The following RAP1B variants were observed in gnomAD, a reference collection of about 807,000 sequenced individuals.
The protein encoded by RAP1B is RAP1B, member of RAS oncogene family.
RAP1B carries 1 observed loss-of-function variant against 27.5 expected under a neutral mutation model. The observed-to-expected ratio is 0.04, with a 90% CI of 0.01 to 0.17. RAP1B has a LOEUF of 0.17. Among genes scored for constraint, RAP1B ranks in the 10% least tolerant of loss-of-function variants. The pLI is 1.00. For synonymous variants in RAP1B, 75 were observed against 73.1 expected, an observed-to-expected ratio of 1.03 and a Z score of -0.13; for missense variants, 84 against 214.8, an observed-to-expected ratio of 0.39 and a Z score of 3.81.
At chr12:68,650,303 GGT>G (rs1215460851) in intron 2 of RAP1B, 95 bp from the exon 3 acceptor site, 13 of 1,055,118 alleles carry the variant, frequency 1.2e-5, no homozygotes, top group Non-Finnish European at 1.7e-5. Flanking sequence ...TTTCATTGAT[GGT>G]GTAACTCCCT....
chr12:68,640,901 C>G (rs1872949683), intron 1 of RAP1B: 1 of 152,136 alleles, frequency 6.6e-6, no homozygotes, highest in Non-Finnish European at 1.5e-5. Context: ...TCTGTTAACT[C>G]AGAATTATTA....
In RAP1B at chr12:68,648,797, T is replaced by C. The variant is rs1488176814; in HGVS notation, c.57+16T>C. The C allele has an allele frequency of 6.2e-7, 1 of 1,604,816 alleles. No individual in the cohort carries two copies. Among genetic ancestry groups the C allele is most frequent in the Non-Finnish European group, 8.5e-7 (1 of 1,175,722 alleles). Reference sequence around the variant, plus strand: ...GTCTGCTTTGGTAAGTCATTCTTACTTTACCTAAGCCTTTCACTCCAAGAC... The same window carrying C: ...GTCTGCTTTGGTAAGTCATTCTTACCTTACCTAAGCCTTTCACTCCAAGAC... On this transcript the variant is annotated intron_variant, in intron 2 of 7. Coordinates refer to ENST00000250559, the MANE Select transcript of RAP1B (RefSeq NM_001010942.3).
intron 7 of RAP1B, chr12:68,657,764 ACACACAC>A (rs1170750875): frequency 1.6e-5 from 2 of 126,214 alleles, no homozygotes; most frequent in African/African-American, 6.6e-5. Flanking sequence ...ACACACACAC[ACACACAC>A]ACGTGCGCGC....
At position 68,662,036 on chromosome 12, in the gene RAP1B, T is replaced by TTAC. The variant is rs1874627849; in HGVS notation, c.*2787_*2788insTAC. 1 of 132,832 alleles carries TTAC rather than the reference T, an allele frequency of 7.5e-6. No homozygotes were observed. The highest frequency in any genetic ancestry group is 1.7e-5 in the Non-Finnish European group (1 of 59,598). The allele number at this position is 132,832 out of a possible 1,614,324, so 8.2% of individuals were successfully genotyped here. On this transcript the variant is annotated 3_prime_UTR_variant, in exon 8 of 8. Transcript: ENST00000250559. ...TATATATATATATATATATATATTA[T>TTAC]ATATAGTACATATATAGAGAGAGTA... is the stretch of plus-strand genomic sequence containing the variant.
At position 68,663,052 on chromosome 12, in the gene RAP1B, CTT is replaced by C. The variant is rs11295555; in HGVS notation, c.*3811_*3812del. ...CAGTGCATCAACACATTTGAATTTT[CTT>C]TTTTTTTCTTTTTCTTTTTTTTTTT... On this transcript the variant is annotated 3_prime_UTR_variant, in exon 8 of 8. Coordinates refer to ENST00000250559, the MANE Select transcript of RAP1B (RefSeq NM_001010942.3). 3 of 149,988 alleles carry C rather than the reference CTT, an allele frequency of 2.0e-5. No individual in the cohort carries two copies. 9.3% of individuals were successfully genotyped at this position (149,988 alleles called of 1,614,324 possible).
At chr12:68,616,811 C>A (rs773339961) in intron 1 of RAP1B, among the ~76,000 whole-genome samples, 2 of 152,030 alleles carry the variant, frequency 1.3e-5, no homozygotes, top group Non-Finnish European at 2.9e-5. Flanking sequence ...AGGGATCTGC[C>A]CATCTTGGCC....
intron 1 of RAP1B, among the ~76,000 whole-genome samples, chr12:68,639,366 A>G (rs12820821): frequency 0.032 from 4,918 of 152,204 alleles, 95 homozygotes; most frequent in South Asian, 0.044. Context: ...ATCTCAAAAT[A>G]TACGACTTTT....
chr12:68,615,635 A>G (rs990990022), intron 1 of RAP1B, among the ~76,000 whole-genome samples: 1 of 152,062 alleles, frequency 6.6e-6, no homozygotes, highest in Non-Finnish European at 1.5e-5. Flanking sequence ...CATACTAGAA[A>G]TGTTCTTTTG....
chr12:68,616,178 G>A (rs1273717119), intron 1 of RAP1B, among the ~76,000 whole-genome samples: 1 of 152,076 alleles, frequency 6.6e-6, no homozygotes, highest in African/African-American at 2.4e-5. Context: ...TAGCCAGGAT[G>A]GTCTGGATCT....
intron 1 of RAP1B, among the ~76,000 whole-genome samples, chr12:68,647,372 CCCACT>C (rs1314035946): frequency 1.4e-5 from 1 of 73,704 alleles, no homozygotes; most frequent in Non-Finnish European, 3.0e-5. Flanking sequence ...GTCCCTGCCC[CCCACT>C]CCACTCCCCG....
At chr12:68,625,117 T>A (rs527790119) in intron 1 of RAP1B, among the ~76,000 whole-genome samples, 40 of 152,260 alleles carry the variant, frequency 2.6e-4, no homozygotes, top group Non-Finnish European at 5.1e-4. Flanking sequence ...GATAGGCATT[T>A]TTTGGAGCTA....
intron 1 of RAP1B, among the ~76,000 whole-genome samples, chr12:68,645,200 A>T (rs1456555335): frequency 6.6e-6 from 1 of 152,246 alleles, no homozygotes; most frequent in African/African-American, 2.4e-5. Context: ...AATCCATCTC[A>T]CAACCTTATC....
intron 1 of RAP1B, among the ~76,000 whole-genome samples, chr12:68,635,166 T>A (rs539956452): frequency 1.3e-5 from 2 of 152,308 alleles, no homozygotes; most frequent in Non-Finnish European, 2.9e-5. Context: ...TTATAGTTCC[T>A]TGTTAGAAGT....
At chr12:68,649,093 CTT>C (rs924680049) in intron 2 of RAP1B, 2 of 242,832 alleles carry the variant, frequency 8.2e-6, no homozygotes, top group Non-Finnish European at 1.6e-5. Context: ...AAATTTTGGT[CTT>C]TTTATTTATT....
chr12:68,637,742 A>C (rs371023284), intron 1 of RAP1B, among the ~76,000 whole-genome samples: 1 of 151,936 alleles, frequency 6.6e-6, no homozygotes, highest in African/African-American at 2.4e-5. Flanking sequence ...AAGATGATAC[A>C]GTATTTACTT....
chr12:68,629,945 T>G (rs1157228874), intron 1 of RAP1B, among the ~76,000 whole-genome samples: 1 of 152,208 alleles, frequency 6.6e-6, no homozygotes, highest in Non-Finnish European at 1.5e-5. Context: ...GTGCTAGATG[T>G]TTAAAATATT....
In RAP1B at chr12:68,656,205, T is replaced by C. The variant is rs769057868; in HGVS notation, c.325-101T>C. 101 of 1,019,464 alleles carry C rather than the reference T, an allele frequency of 9.9e-5. 2 individuals are homozygous for C. The highest frequency in any genetic ancestry group is 5.2e-4 in the Middle Eastern group (2 of 3,820). 63.2% of individuals were successfully genotyped at this position (1,019,464 alleles called of 1,614,324 possible). A position where few individuals can be genotyped will look rare whatever the true frequency, so the allele number is the denominator to read the frequency against. ...ACATTATTTAATATTTTTTGTGGCATATGAAAAGTAATTCTTAGATTTGAC... is the reference window on the plus strand; with the variant it reads ...ACATTATTTAATATTTTTTGTGGCACATGAAAAGTAATTCTTAGATTTGAC... On this transcript the variant is annotated intron_variant, in intron 5 of 7. Coordinates refer to ENST00000250559, the MANE Select transcript of RAP1B (RefSeq NM_001010942.3).
chr12:68,649,796 T>C (rs1434205126), intron 2 of RAP1B: 1 of 152,204 alleles, frequency 6.6e-6, no homozygotes, highest in Non-Finnish European at 1.5e-5. Context: ...AATTTCTAAT[T>C]TAAAAATCAA....
intron 1 of RAP1B, among the ~76,000 whole-genome samples, chr12:68,614,386 ATGTT>A (rs1469703982): frequency 1.3e-5 from 2 of 152,098 alleles, no homozygotes; most frequent in African/African-American, 2.4e-5. Flanking sequence ...GTTTCTCTGT[ATGTT>A]TGTGTTGCTA....
Sources: allele counts gnomAD v4.1 joint callset (sites outside exome capture counted in the v4.1 genomes callset), GRCh38; gene constraint gnomAD v4.1.1; transcripts MANE v1.5; gene names NCBI Gene and HGNC (gene_info 2026-07-23, HGNC 2026-07-21).